The following LONP2 variants were observed in gnomAD, a reference collection of about 807,000 sequenced individuals.
LONP2 encodes the protein lon peptidase 2, peroxisomal.
Under a neutral mutation model 85.6 loss-of-function variants are expected in LONP2, and 60 were observed. The observed-to-expected ratio is 0.70, with a 90% CI of 0.57 to 0.87. The LOEUF is 0.87. Ranked by LOEUF, LONP2 falls within the 40% of genes least tolerant of loss-of-function variation. The pLI, the probability that LONP2 is intolerant of heterozygous loss-of-function variation, is 0.00. For synonymous variants in LONP2, 395 were observed against 389.7 expected (o/e 1.01, Z -0.16); for missense variants, 860 against 1,063.5 (o/e 0.81, Z 2.66).
chr16:48,320,708 T>G (rs889024811), intron 11 of LONP2, among the ~76,000 whole-genome samples: 5 of 152,176 alleles, frequency 3.3e-5, no homozygotes, highest in African/African-American at 1.2e-4. Flanking sequence ...AATATTATTT[T>G]CTGAGTCTGA....
chr16:48,267,924 A>G (rs796812664), intron 6 of LONP2, among the ~76,000 whole-genome samples: 36 of 152,264 alleles, frequency 2.4e-4, no homozygotes, highest in African/African-American at 8.4e-4. Context: ...CCCCCCATTC[A>G]TAATTTCTGA....
chr16:48,332,354 TC>T (rs1959480060), intron 11 of LONP2, among the ~76,000 whole-genome samples: 1 of 152,088 alleles, frequency 6.6e-6, no homozygotes, highest in Non-Finnish European at 1.5e-5. Context: ...GGCAGCCAGA[TC>T]ACTTGAGGTC....
intron 11 of LONP2, among the ~76,000 whole-genome samples, chr16:48,329,925 A>C (rs1369874061): frequency 6.6e-6 from 1 of 152,242 alleles, no homozygotes; most frequent in Non-Finnish European, 1.5e-5. Context: ...GACTGTGCAC[A>C]AACCCTTGCC....
Position 48,362,451 on chromosome 16 carries a change from G to A in LONP2, c.*588G>A, listed in dbSNP as rs767055093. 1.2e-6 allele frequency: 2 copies of A among 1,609,400 alleles called. No individual in the cohort carries two copies. The highest frequency in any genetic ancestry group is 1.7e-6 in the Non-Finnish European group (2 of 1,176,868). ...CATTTCTGAAATAAATACATAAGGA[G>A]GCAGGAGAAAAATAATTATAACCAT... On this transcript the variant is annotated 3_prime_UTR_variant, in exon 5 of 5. Coordinates refer to the LONP2 transcript ENST00000565867. This position sits in a 1 kb window ranked among gnomAD's most constrained non-coding sequence, Gnocchi z 4.2.
intron 11 of LONP2, among the ~76,000 whole-genome samples, chr16:48,331,422 G>A (rs557789514): frequency 3.3e-5 from 5 of 152,158 alleles, no homozygotes; most frequent in South Asian, 2.1e-4. Flanking sequence ...AGAAAGATCA[G>A]GGAAGCTGTC....
chr16:48,261,458 A>G lies in LONP2; in HGVS notation c.758A>G (p.His253Arg), dbSNP rs757867057. 2 of 1,608,620 alleles carry G rather than the reference A, an allele frequency of 1.2e-6. No homozygotes were observed. Among genetic ancestry groups the G allele is most frequent in the African/African-American group, 1.3e-5 (1 of 74,462 alleles). The stretch of plus-strand genomic sequence containing the variant: ...ATACGCCCTATTAGGAGAATTACAC[A>G]TATCTCAGGTACTTTAGAAGATGAA... The part of the protein sequence containing the change: ...IAIRPIRRIT[H>R]ISGTLEDEDE... Residue 253 changes from histidine to arginine, a missense_variant, in exon 5 of 15, where the codon CAT becomes CGT. Coordinates refer to ENST00000285737, the MANE Select transcript of LONP2 (RefSeq NM_031490.5).
chr16:48,343,554 C>A (rs950484082), intron 12 of LONP2, among the ~76,000 whole-genome samples: 1 of 151,956 alleles, frequency 6.6e-6, no homozygotes, highest in African/African-American at 2.4e-5. Flanking sequence ...AAAAATTAGC[C>A]GGGCATGGTG....
In LONP2 at chr16:48,353,003, C is replaced by G. The variant is rs1960198360; in HGVS notation, c.*1201C>G. The G allele has an allele frequency of 6.6e-6, 1 of 152,178 alleles. No homozygotes were observed. Among genetic ancestry groups the G allele is most frequent in the Non-Finnish European group, 1.5e-5 (1 of 68,048 alleles). 9.4% of individuals were successfully genotyped at this position (152,178 alleles called of 1,614,324 possible). On this transcript the variant is annotated 3_prime_UTR_variant, in exon 15 of 15. Coordinates refer to ENST00000285737, the MANE Select transcript of LONP2 (RefSeq NM_031490.5). ...GAAGTCAGGCTCATCTGCTTACTGG[C>G]TGTGTGAACTTTTTGTATCTTGGTT...
chr16:48,285,430 CCTTT>C (rs1972419398), intron 8 of LONP2, among the ~76,000 whole-genome samples: 1 of 151,140 alleles, frequency 6.6e-6, no homozygotes, highest in African/African-American at 2.4e-5. Context: ...TCTTTATGCC[CCTTT>C]CTTTTTCCTC....
chr16:48,293,137 A>T (rs1158017048), intron 8 of LONP2, among the ~76,000 whole-genome samples: 1 of 152,192 alleles, frequency 6.6e-6, no homozygotes, highest in Non-Finnish European at 1.5e-5. Context: ...TAAAGAATAG[A>T]ATTTTTTCCG....
intron 6 of LONP2, among the ~76,000 whole-genome samples, chr16:48,267,281 A>G (rs1972009744): frequency 6.6e-6 from 1 of 152,230 alleles, no homozygotes; most frequent in Admixed American, 6.5e-5. Context: ...GAGTGTGGTT[A>G]TAAAACCATG....
chr16:48,346,341 A>G (rs1959963858), intron 12 of LONP2, among the ~76,000 whole-genome samples: 1 of 152,172 alleles, frequency 6.6e-6, no homozygotes, highest in South Asian at 2.1e-4. Context: ...AAAGGGTGTA[A>G]TGAGAGTTAA....
chr16:48,266,160 C>T (rs947872610), intron 6 of LONP2, among the ~76,000 whole-genome samples: 2 of 151,994 alleles, frequency 1.3e-5, no homozygotes, highest in Non-Finnish European at 2.9e-5. Context: ...CCTGCCATGA[C>T]ACCCGGCTAA....
chr16:48,327,997 T>C (rs1959300102), intron 11 of LONP2, among the ~76,000 whole-genome samples: 1 of 152,204 alleles, frequency 6.6e-6, no homozygotes, highest in Non-Finnish European at 1.5e-5. Context: ...AGAGAGCACT[T>C]TGTTTTCTTG....
downstream of LONP2, among the ~76,000 whole-genome samples, chr16:48,358,196 A>G (rs1280596084): frequency 6.6e-6 from 1 of 152,234 alleles, no homozygotes; most frequent in African/African-American, 2.4e-5. Flanking sequence ...TGTTAAACAC[A>G]AAATGTACTA....
At chr16:48,339,901 A>C (rs1044369578) in intron 12 of LONP2, among the ~76,000 whole-genome samples, 4 of 152,132 alleles carry the variant, frequency 2.6e-5, no homozygotes, top group Non-Finnish European at 5.9e-5. Context: ...CTAGAAGGAT[A>C]AGAAATGATG....
intron 3 of LONP2, 29 bp downstream of exon 3, chr16:48,256,770 T>C (rs1489001199): frequency 6.2e-7 from 1 of 1,606,540 alleles, no homozygotes; most frequent in East Asian, 2.2e-5. Flanking sequence ...AACGCCAGGT[T>C]GCTTTGTCAC....
At chr16:48,329,442 G>T (rs1959366544) in intron 11 of LONP2, among the ~76,000 whole-genome samples, 1 of 152,172 alleles carries the variant, frequency 6.6e-6, no homozygotes, top group Non-Finnish European at 1.5e-5. Flanking sequence ...GGGTGTTTGT[G>T]TTCAAGTAAC....
intron 11 of LONP2, among the ~76,000 whole-genome samples, chr16:48,328,534 C>T (rs1157882899): frequency 1.3e-5 from 2 of 152,002 alleles, no homozygotes. Flanking sequence ...AAAAATTAGC[C>T]AGGCATGGTG....
Sources: allele counts gnomAD v4.1 joint callset (sites outside exome capture counted in the v4.1 genomes callset), GRCh38; gene constraint gnomAD v4.1.1; non-coding constraint Gnocchi (gnomAD v3.1); transcripts MANE v1.5; gene names NCBI Gene and HGNC (gene_info 2026-07-23, HGNC 2026-07-21).